PRH1: variants seen among roughly 807,000 people sequenced by gnomAD.
PRH1 encodes the protein salivary acidic proline-rich phosphoprotein 1/2.
Under a neutral mutation model 7.9 loss-of-function variants are expected in PRH1, and 7 were observed. That is an observed-to-expected ratio of 0.89 (90% CI 0.50 to 1.67). PRH1 has a LOEUF of 1.67. Among genes scored for constraint, PRH1 ranks in the 40% most tolerant of loss-of-function variants. The pLI, the probability that PRH1 is intolerant of heterozygous loss-of-function variation, is 0.00. For synonymous variants in PRH1, 45 were observed against 80.8 expected (o/e 0.56, Z 2.38); for missense variants, 109 against 223.6 (o/e 0.49, Z 3.27).
intron 2 of PRH1, among the ~76,000 whole-genome samples, chr12:10,936,145 G>GC (rs1479444767): frequency 7.5e-6 from 1 of 132,900 alleles, no homozygotes; most frequent in Non-Finnish European, 1.6e-5. Flanking sequence ...CCACCACCCC[G>GC]CCCCCACACA....
downstream of PRH1, among the ~76,000 whole-genome samples, chr12:11,117,103 C>A (rs1945752671): frequency 6.6e-6 from 1 of 152,020 alleles, no homozygotes; most frequent in Non-Finnish European, 1.5e-5. Flanking sequence ...AGAGCATCCA[C>A]ATAGGAAAGG....
At chr12:10,949,680 G>A (rs191933641) in intron 2 of PRH1, among the ~76,000 whole-genome samples, 6 of 151,520 alleles carry the variant, frequency 4.0e-5, no homozygotes, top group African/African-American at 7.3e-5. Flanking sequence ...TTTTACTATT[G>A]TCGAACATAA....
intron 2 of PRH1, among the ~76,000 whole-genome samples, chr12:10,900,913 G>A (rs756923490): frequency 2.0e-5 from 3 of 152,028 alleles, no homozygotes; most frequent in Non-Finnish European, 4.4e-5. Flanking sequence ...AACCTTCCTT[G>A]ACGTAGGTCA....
chr12:11,127,676 C>T (rs1946181742), intron 1 of PRH1, among the ~76,000 whole-genome samples: 1 of 152,010 alleles, frequency 6.6e-6, no homozygotes, highest in African/African-American at 2.4e-5. Flanking sequence ...CCTATAACTT[C>T]TAAAATGAAA....
At chr12:11,022,099 T>C (rs79906789) in intron 1 of PRH1, 1 of 1,584,242 alleles carries the variant, frequency 6.3e-7, no homozygotes, top group East Asian at 2.3e-5. Flanking sequence ...ATTTCCTTCA[T>C]ATTCTTTTGT....
rs1949436209 is a variant in PRH1, at chr12:10,883,196, C to T, written c.65-100G>A. ...AAAGGACCTCTGATCACACCCTGTG[C>T]ATCCCCTTTGTGATCTCATCAGCCA... On this transcript the variant is annotated intron_variant, in intron 1 of 3. Transcript: ENST00000543626. 8 of 1,352,066 alleles carry T rather than the reference C, an allele frequency of 5.9e-6. No individual in the cohort carries two copies. The Admixed American group carries it at 1.3e-4, about 21-fold the overall frequency. The allele number at this position is 1,352,066 out of a possible 1,614,324, so 83.8% of individuals were successfully genotyped here. A position where few individuals can be genotyped will look rare whatever the true frequency, so the allele number is the denominator to read the frequency against.
At chr12:11,039,811 A>G (rs73051065) in intron 1 of PRH1, among the ~76,000 whole-genome samples, 26,523 of 136,094 alleles carry the variant, frequency 0.19, no homozygotes, top group East Asian at 0.45. Flanking sequence ...TCATTCATAC[A>G]AACACATTCA....
intron 1 of PRH1, among the ~76,000 whole-genome samples, chr12:10,998,785 C>G (rs1235536545): frequency 2.0e-5 from 3 of 152,092 alleles, no homozygotes; most frequent in African/African-American, 7.2e-5. Flanking sequence ...TTGCAGTGTC[C>G]TCCCACCACA....
chr12:11,040,227 C>T (rs1187086358), intron 1 of PRH1, among the ~76,000 whole-genome samples: 1 of 152,070 alleles, frequency 6.6e-6, no homozygotes, highest in Non-Finnish European at 1.5e-5. Context: ...AATCAGTCTC[C>T]AATCTTGGAT....
In PRH1 at chr12:10,954,418, C is replaced by T. The variant is rs771259754; in HGVS notation, c.-59+19237G>A. On this transcript the variant is annotated intron_variant, in intron 2 of 3. Transcript: ENST00000539853. ...TCAAATTTAAAAGATGGAGAAAAAT[C>T]TACCAAGCAAATGGAAAATAGAAGC... 1.3e-5 allele frequency among the ~76,000 whole-genome samples: 2 copies of T among 152,164 alleles called. 1 individual carries two copies.
intron 1 of PRH1, among the ~76,000 whole-genome samples, chr12:11,039,078 GA>G (rs1374160431): frequency 2.6e-5 from 4 of 152,206 alleles, no homozygotes; most frequent in Middle Eastern, 3.4e-3. Flanking sequence ...AGGACTCAAA[GA>G]AAAAAATATT....
intron 1 of PRH1, among the ~76,000 whole-genome samples, chr12:11,170,453 AGGAGAATGGCGTGAACCCG>A (rs1362682317): frequency 6.6e-6 from 1 of 152,226 alleles, no homozygotes; most frequent in Admixed American, 6.5e-5. Flanking sequence ...AGGCTGAGGC[AGGAGAATGGCGTGAACCCG>A]GGAGGCGGAG....
chr12:11,149,459 A>G (rs1946989923), intron 1 of PRH1, among the ~76,000 whole-genome samples: 1 of 151,956 alleles, frequency 6.6e-6, no homozygotes, highest in Non-Finnish European at 1.5e-5. Flanking sequence ...TGGTACTGGT[A>G]CCAAAACAGA....
At chr12:10,953,161 G>C (rs1360314610) in intron 2 of PRH1, among the ~76,000 whole-genome samples, 3 of 151,478 alleles carry the variant, frequency 2.0e-5, no homozygotes. Context: ...GAAGACTGAA[G>C]AATATCAGCC....
At chr12:10,933,820 A>G (rs983547379) in intron 2 of PRH1, among the ~76,000 whole-genome samples, 1 of 152,120 alleles carries the variant, frequency 6.6e-6, no homozygotes, top group Non-Finnish European at 1.5e-5. Context: ...AATGTTGTGG[A>G]TAATTAGAAA....
At chr12:10,925,891 T>A (rs1215324083) in intron 2 of PRH1, among the ~76,000 whole-genome samples, 1 of 152,208 alleles carries the variant, frequency 6.6e-6, no homozygotes, top group African/African-American at 2.4e-5. Context: ...CATTGTTATG[T>A]ACCTAAGTCA....
chr12:11,066,713 T>G (rs1341291126), intron 1 of PRH1, among the ~76,000 whole-genome samples: 2 of 151,652 alleles, frequency 1.3e-5, no homozygotes, highest in East Asian at 3.9e-4. Flanking sequence ...ATTTCCATCT[T>G]GTTTTTTAAG....
chr12:10,881,215 T>A (rs894051519), intron 3 of PRH1, among the ~76,000 whole-genome samples, 159 bp from the exon 4 acceptor site: 2 of 152,224 alleles, frequency 1.3e-5, no homozygotes, highest in African/African-American at 4.8e-5. Flanking sequence ...AATATTTTCT[T>A]TGTTCACTCT....
chr12:10,911,079 C>T (rs1949892852), intron 2 of PRH1, among the ~76,000 whole-genome samples: 1 of 152,154 alleles, frequency 6.6e-6, no homozygotes, highest in Admixed American at 6.6e-5. Context: ...AAATATGTAG[C>T]TATGTGGCAT....
Sources: allele counts gnomAD v4.1 joint callset (sites outside exome capture counted in the v4.1 genomes callset), GRCh38; gene constraint gnomAD v4.1.1; transcripts MANE v1.5; gene names NCBI Gene and HGNC (gene_info 2026-07-23, HGNC 2026-07-21).